The following KLHL2 variants were observed in gnomAD, a reference collection of about 807,000 sequenced individuals.
KLHL2 encodes the protein kelch like family member 2.
Under a neutral mutation model 75.8 loss-of-function variants are expected in KLHL2, and 15 were observed. The ratio of observed to expected loss-of-function variants is 0.20; its 90% CI spans 0.13 to 0.30. The LOEUF is 0.30. KLHL2 is among the 10% of genes least tolerant of loss of function. The pLI, the probability that KLHL2 is intolerant of heterozygous loss-of-function variation, is 1.00. For synonymous variants in KLHL2, 214 were observed against 251.9 expected, an observed-to-expected ratio of 0.85 and a Z score of 1.42; for missense variants, 381 against 741.0, an observed-to-expected ratio of 0.51 and a Z score of 5.64.
chr4:165,315,109 A>G (rs1338868249), intron 13 of KLHL2, among the ~76,000 whole-genome samples: 2 of 152,194 alleles, frequency 1.3e-5, no homozygotes, highest in Non-Finnish European at 2.9e-5. Flanking sequence ...TAAGACCCTC[A>G]AATATGGGTC....
intron 5 of KLHL2, among the ~76,000 whole-genome samples, chr4:165,284,611 T>C (rs1410879482): frequency 6.6e-6 from 1 of 152,216 alleles, no homozygotes; most frequent in African/African-American, 2.4e-5. Flanking sequence ...TCTCACATTT[T>C]TCTGTCATCT....
chr4:165,258,471 ACT>A (rs1418054985), intron 4 of KLHL2, among the ~76,000 whole-genome samples: 1 of 151,564 alleles, frequency 6.6e-6, no homozygotes, highest in African/African-American at 2.4e-5. Flanking sequence ...CACTAGTGCA[ACT>A]CTGCACTAGA....
chr4:165,264,682 A>ATGTGTGTGTG (rs760543186), intron 5 of KLHL2, among the ~76,000 whole-genome samples: 5 of 68,686 alleles, frequency 7.3e-5, no homozygotes, highest in East Asian at 6.0e-4. Flanking sequence ...ACGTATATGT[A>ATGTGTGTGTG]TGTGTGTGTG....
intron 2 of KLHL2, among the ~76,000 whole-genome samples, chr4:165,224,342 A>G (rs1738258142): frequency 6.6e-6 from 1 of 152,194 alleles, no homozygotes; most frequent in Non-Finnish European, 1.5e-5. Context: ...ATTTACAAGG[A>G]ATGTAAGTTT....
chr4:165,308,277 T>C (rs1285261901), intron 9 of KLHL2, among the ~76,000 whole-genome samples: 2 of 152,242 alleles, frequency 1.3e-5, no homozygotes, highest in Non-Finnish European at 2.9e-5. Context: ...ACTGGTTTCT[T>C]AATTCATATC....
chr4:165,273,917 ATTG>A (rs1415755345), intron 5 of KLHL2, among the ~76,000 whole-genome samples: 1 of 152,138 alleles, frequency 6.6e-6, no homozygotes, highest in African/African-American at 2.4e-5. Flanking sequence ...TAAACAAATA[ATTG>A]TTGTTTAGGT....
chr4:165,227,985 C>T (rs2111031682), intron 2 of KLHL2, among the ~76,000 whole-genome samples: 1 of 152,078 alleles, frequency 6.6e-6, no homozygotes, highest in East Asian at 1.9e-4. Flanking sequence ...GCAACCTCTG[C>T]CTCCCAGGTT....
chr4:165,278,504 C>G (rs773797575), intron 5 of KLHL2: 4 of 1,602,502 alleles, frequency 2.5e-6, no homozygotes, highest in African/African-American at 2.7e-5. Flanking sequence ...AGTGAGTCCA[C>G]AGATTATCCC....
intron 4 of KLHL2, among the ~76,000 whole-genome samples, chr4:165,245,837 A>G (rs1222097982): frequency 6.6e-6 from 1 of 152,086 alleles, no homozygotes; most frequent in Non-Finnish European, 1.5e-5. Flanking sequence ...TCCCTTCCCT[A>G]TATCTAAGCT....
At chr4:165,233,861 A>G (rs1235048955) in intron 3 of KLHL2, among the ~76,000 whole-genome samples, 2 of 152,222 alleles carry the variant, frequency 1.3e-5, no homozygotes, top group African/African-American at 4.8e-5. Context: ...AGCAAATGCC[A>G]CTCAAACTGG....
At chr4:165,321,888 C>A in intron 14 of KLHL2, 144 bp from the exon 15 acceptor site, 1 of 738,242 alleles carries the variant, frequency 1.4e-6, no homozygotes, top group Non-Finnish European at 2.3e-6. Flanking sequence ...AATGATAATA[C>A]TACTAAAGTT....
At chr4:165,299,723 T>G in intron 8 of KLHL2, 67 bp downstream of exon 8, 1 of 1,371,784 alleles carries the variant, frequency 7.3e-7, no homozygotes, top group Admixed American at 2.6e-5. Flanking sequence ...CTGTTAGTAT[T>G]TTGCTCATTT....
At chr4:165,293,317 C>A (rs1039393993) in intron 5 of KLHL2, among the ~76,000 whole-genome samples, 3 of 152,066 alleles carry the variant, frequency 2.0e-5, no homozygotes, top group Admixed American at 6.6e-5. Context: ...GATCTTTTTT[C>A]CCCTTGGGAA....
At chr4:165,310,311 T>C (rs919352590) in intron 9 of KLHL2, among the ~76,000 whole-genome samples, 7 of 152,166 alleles carry the variant, frequency 4.6e-5, no homozygotes, top group Non-Finnish European at 8.8e-5. Context: ...GGCGACAGAG[T>C]GAGACTCCGT....
intron 5 of KLHL2, among the ~76,000 whole-genome samples, chr4:165,268,372 T>C (rs1742412748): frequency 6.6e-6 from 1 of 152,234 alleles, no homozygotes; most frequent in Admixed American, 6.5e-5. Context: ...ATGTGTTTGC[T>C]CTTGCTTCTC....
At chr4:165,226,884 G>A (rs1738483713) in intron 2 of KLHL2, among the ~76,000 whole-genome samples, 1 of 152,074 alleles carries the variant, frequency 6.6e-6, no homozygotes, top group Non-Finnish European at 1.5e-5. Context: ...CTAGTTGGAG[G>A]ACTTTAACCT....
At position 165,317,853 on chromosome 4, in the gene KLHL2, A is replaced by T; in HGVS notation, c.1637A>T (p.Tyr546Phe). The change falls in exon 14 of 15, where the codon TAT becomes TTT. Residue 546 changes from tyrosine to phenylalanine, a missense_variant. Around this residue, in one of 5 missense-constraint regions of KLHL2, gnomAD observed 168 missense variants for 370.4 expected, o/e 0.45. Coordinates refer to ENST00000226725, the MANE Select transcript of KLHL2 (RefSeq NM_007246.4). Reference protein sequence around the residue: ...AGVCAVNGLLYVVGGDDGSCN... With the variant: ...AGVCAVNGLLFVVGGDDGSCN... ...GTTTGTGCAGTTAATGGTCTGTTAT[A>T]TGTTGTTGGAGGGGATGATGGTTCC... 6.2e-7 allele frequency: 1 copy of T among 1,613,694 alleles called. No homozygotes were observed. The highest frequency in any genetic ancestry group is 8.5e-7 in the Non-Finnish European group (1 of 1,179,702).
chr4:165,317,743 A>G, intron 13 of KLHL2, 83 bp from the exon 14 acceptor site: 1 of 1,010,740 alleles, frequency 9.9e-7, no homozygotes. Flanking sequence ...GTGTCTCTGG[A>G]TTACCTCACT....
chr4:165,220,077 T>G lies in KLHL2; in HGVS notation c.152+18T>G. ...TTAAGAAGGTATCATTATACTAATG[T>G]ACATGCAACCATTGGTTTCGTCCCT... On this transcript the variant is annotated intron_variant, in intron 2 of 14. Transcript: ENST00000226725. 3.1e-6 allele frequency: 5 copies of G among 1,589,844 alleles called. No individual in the cohort carries two copies. Among genetic ancestry groups the G allele is most frequent in the African/African-American group, 1.4e-5 (1 of 73,664 alleles).
Sources: allele counts gnomAD v4.1 joint callset (sites outside exome capture counted in the v4.1 genomes callset), GRCh38; gene constraint gnomAD v4.1.1; regional missense constraint gnomAD v4.1.1; transcripts MANE v1.5; gene names NCBI Gene and HGNC (gene_info 2026-07-23, HGNC 2026-07-21).